The following PARK7 variants were observed in gnomAD, a reference collection of about 807,000 sequenced individuals.
PARK7 encodes the protein Parkinsonism associated deglycase, also known as Parkinson disease protein 7.
Under a neutral mutation model 20.5 loss-of-function variants are expected in PARK7, and 14 were observed. The ratio of observed to expected loss-of-function variants is 0.68; its 90% CI spans 0.45 to 1.07. PARK7 has a LOEUF of 1.07. Ranked by LOEUF, PARK7 falls within the 50% of genes least tolerant of loss-of-function variation. PARK7 has a pLI of 0.00. For synonymous variants in PARK7, 98 were observed against 84.3 expected (o/e 1.16, Z -0.89); for missense variants, 234 against 238.1 (o/e 0.98, Z 0.11).
intron 6 of PARK7, 134 bp downstream of exon 6, chr1:7,977,872 C>T: frequency 2.8e-6 from 2 of 723,324 alleles, no homozygotes; most frequent in Middle Eastern, 3.8e-4. Flanking sequence ...CGATTCTTCT[C>T]TCTCAGCCTC....
At chr1:7,979,194 T>C (rs1640659771) in intron 6 of PARK7, among the ~76,000 whole-genome samples, 1 of 152,224 alleles carries the variant, frequency 6.6e-6, no homozygotes, top group South Asian at 2.1e-4. Flanking sequence ...AGCTCCACTT[T>C]AAAAGTGATG....
In PARK7 at chr1:7,965,391, G is replaced by A; in HGVS notation, c.158G>A (p.Cys53Tyr). 1.9e-6 allele frequency: 3 copies of A among 1,614,180 alleles called. No individual in the cohort carries two copies. The highest frequency in any genetic ancestry group is 2.2e-5 in the South Asian group (2 of 91,086). ...CAGTGTAGCCGTGATGTGGTCATTTGTCCTGATGCCAGCCTTGAAGATGCA... is the reference window on the plus strand; with the variant it reads ...CAGTGTAGCCGTGATGTGGTCATTTATCCTGATGCCAGCCTTGAAGATGCA... ...PVQCSRDVVICPDASLEDAKK... is the reference protein window; with the variant it reads ...PVQCSRDVVIYPDASLEDAKK... The change falls in exon 3 of 7, where the codon TGT becomes TAT. Residue 53 changes from cysteine (C) to tyrosine (Y), a missense_variant. Cys to Tyr is a radical substitution (Grantham distance 194). Transcript: ENST00000338639.
At chr1:7,974,542 T>C (rs1236642998) in intron 5 of PARK7, among the ~76,000 whole-genome samples, 1 of 151,178 alleles carries the variant, frequency 6.6e-6, no homozygotes, top group Non-Finnish European at 1.5e-5. Flanking sequence ...GGCAGGAGAA[T>C]GGTGTGAACC....
intron 3 of PARK7, among the ~76,000 whole-genome samples, chr1:7,966,708 C>T (rs1205401232): frequency 1.3e-5 from 2 of 151,884 alleles, no homozygotes; most frequent in African/African-American, 4.8e-5. Flanking sequence ...AGAGCGAGAC[C>T]CTGTCTCAAA....
Position 7,981,754 on chromosome 1 carries a change from G to A in PARK7, c.410-3140G>A, listed in dbSNP as rs1452241959. Among the ~76,000 whole-genome samples, 5 of 151,204 alleles carry A rather than the reference G, an allele frequency of 3.3e-5. No homozygotes were observed. In the East Asian group the frequency reaches 9.7e-4, roughly 29 times the overall value. On this transcript the variant is annotated intron_variant, in intron 6 of 6. Transcript: ENST00000338639. ...GCTCACGGCAAGCTCCGCCTCCCAG[G>A]TTCACGCCATTCTCCTGCCTCAGCC...
intron 3 of PARK7, among the ~76,000 whole-genome samples, chr1:7,966,118 C>T (rs986167508): frequency 6.6e-6 from 1 of 152,034 alleles, no homozygotes; most frequent in Non-Finnish European, 1.5e-5. Flanking sequence ...CCCCCACAGG[C>T]GCTTTTGCAC....
chr1:7,968,538 C>T (rs556426982), intron 3 of PARK7, among the ~76,000 whole-genome samples: 2 of 151,828 alleles, frequency 1.3e-5, no homozygotes, highest in Non-Finnish European at 2.9e-5. Context: ...TTTTTTTAGA[C>T]AGAGTCTTGC....
chr1:7,973,716 AAAAATAAATAAAAT>A (rs1640511646), intron 5 of PARK7, among the ~76,000 whole-genome samples: 1 of 151,098 alleles, frequency 6.6e-6, no homozygotes, highest in Non-Finnish European at 1.5e-5. Context: ...CTCCGTCTCA[AAAAATAAATAAAAT>A]AAAATAATAA....
rs1008558888 is a variant in PARK7, at chr1:7,984,507, T to G, written c.410-387T>G. 9.9e-5 allele frequency among the ~76,000 whole-genome samples: 15 copies of G among 152,208 alleles called. No homozygotes were observed. Among genetic ancestry groups the G allele is most frequent in the Admixed American group, 9.8e-4 (15 of 15,284 alleles). On this transcript the variant is annotated intron_variant, in intron 6 of 6. Transcript: ENST00000338639. This position sits in a 1 kb window ranked among gnomAD's most constrained non-coding sequence, Gnocchi z 4.3. ...GGTGTGCGTGCCGCCACATGTTGAT[T>G]GGGGTGGCTTCTGCGTTCAGCGCTG... is the stretch of plus-strand genomic sequence containing the variant.
rs1396178713 is a variant in PARK7, at chr1:7,962,882, C to T, written c.90+7C>T. 1.2e-6 allele frequency: 2 copies of T among 1,607,498 alleles called. No individual in the cohort carries two copies. The highest frequency in any genetic ancestry group is 1.7e-6 in the Non-Finnish European group (2 of 1,174,362). On this transcript the variant is annotated splice_region_variant and intron_variant, in intron 2 of 6. Transcript: ENST00000338639. ...TGTCATGAGGCGAGCTGGGGTAAGTCCCACATCGATTTTTAGCCATTCCTG... is the reference window on the plus strand; with the variant it reads ...TGTCATGAGGCGAGCTGGGGTAAGTTCCACATCGATTTTTAGCCATTCCTG...
chr1:7,983,065 T>A (rs1326699353), intron 6 of PARK7: 1 of 152,244 alleles, frequency 6.6e-6, no homozygotes. Context: ...CACTGTGTGG[T>A]TTCAGAAGCT....
intron 3 of PARK7, among the ~76,000 whole-genome samples, chr1:7,966,134 G>A (rs528736799): frequency 1.3e-5 from 2 of 152,072 alleles, no homozygotes; most frequent in African/African-American, 2.4e-5. Context: ...TGCACACTCC[G>A]TCGTGCGGTC....
chr1:7,974,102 G>C (rs1640521689), intron 5 of PARK7, among the ~76,000 whole-genome samples: 1 of 149,668 alleles, frequency 6.7e-6, no homozygotes, highest in African/African-American at 2.4e-5. Flanking sequence ...TTGAACCCAG[G>C]AGTTCAAGAC....
chr1:7,984,363 C>T lies in PARK7; in HGVS notation c.410-531C>T, dbSNP rs13328710. Among the ~76,000 whole-genome samples the T allele has an allele frequency of 0.052, 7,969 of 152,118 alleles. 699 individuals are homozygous for T. Among genetic ancestry groups the T allele is most frequent in the African/African-American group, 0.18 (7,538 of 41,442 alleles). On this transcript the variant is annotated intron_variant, in intron 6 of 6. Coordinates refer to ENST00000338639, the MANE Select transcript of PARK7 (RefSeq NM_007262.5). This position sits in a 1 kb window ranked among gnomAD's most constrained non-coding sequence, Gnocchi z 4.3. ...TAGCCAACCGGCGGGCCTGGAGGTG[C>T]GGGGATGCGGAAGGAAAGTAGTCCT...
At chr1:7,978,289 C>T (rs973059856) in intron 6 of PARK7, among the ~76,000 whole-genome samples, 18 of 151,858 alleles carry the variant, frequency 1.2e-4, no homozygotes, top group Non-Finnish European at 7.4e-5. Flanking sequence ...AGCCACCGCG[C>T]CCAGTCTCGA....
At chr1:7,962,713 A>G (rs1578089530) in intron 1 of PARK7, 50 bp from the exon 2 acceptor site, 2 of 885,474 alleles carry the variant, frequency 2.3e-6, no homozygotes, top group African/African-American at 2.8e-5. Context: ...GGGGTATCTC[A>G]GGGTTGCAAT....
chr1:7,972,998 C>T (rs913401296), intron 5 of PARK7, among the ~76,000 whole-genome samples: 43 of 152,204 alleles, frequency 2.8e-4, no homozygotes, highest in Admixed American at 1.2e-3. Flanking sequence ...TGCAGTGAGC[C>T]GCGATTACGC....
intron 3 of PARK7, among the ~76,000 whole-genome samples, chr1:7,967,727 C>T (rs1409638113): frequency 6.6e-6 from 1 of 151,448 alleles, no homozygotes; most frequent in Non-Finnish European, 1.5e-5. Context: ...TGAGACTAGC[C>T]TGGGCAATGA....
intron 5 of PARK7, among the ~76,000 whole-genome samples, chr1:7,972,500 C>T (rs192237453): frequency 6.6e-6 from 1 of 152,054 alleles, no homozygotes; most frequent in East Asian, 1.9e-4. Context: ...CTCAGTCTTT[C>T]AGGAGTGACA....
Sources: gnomAD v4.1 joint callset for allele counts (sites outside exome capture counted in the v4.1 genomes callset) on GRCh38, gnomAD v4.1.1 for gene constraint, Gnocchi (gnomAD v3.1) non-coding constraint, MANE v1.5 for transcripts, NCBI Gene and HGNC (gene_info 2026-07-23, HGNC 2026-07-21) for gene names.